Variants in WASHC5 observed in about 807,000 individuals in gnomAD.
The protein encoded by WASHC5 is WASH complex subunit 5.
Under a neutral mutation model 150.4 loss-of-function variants are expected in WASHC5, and 101 were observed. The observed-to-expected ratio is 0.67, with a 90% CI of 0.57 to 0.79. WASHC5 has a LOEUF of 0.79. Among genes scored for constraint, WASHC5 ranks in the 30% least tolerant of loss-of-function variants. The probability of loss-of-function intolerance (pLI) is 0.00; values close to 1 mark genes in which losing one functional copy is unlikely to be tolerated. For missense variants in WASHC5, 1,195 were observed against 1,396.3 expected (o/e 0.86, Z 2.30); for synonymous variants, 467 against 491.2 (o/e 0.95, Z 0.65).
chr8:125,052,463 C>T (rs993722232), intron 17 of WASHC5, among the ~76,000 whole-genome samples: 1 of 149,094 alleles, frequency 6.7e-6, no homozygotes, highest in African/African-American at 2.6e-5. Flanking sequence ...CGTTTATATA[C>T]ATAAATATCC....
At chr8:125,079,185 C>CTTTTTTTTT (rs34211379) in intron 5 of WASHC5, among the ~76,000 whole-genome samples, 11 of 57,580 alleles carry the variant, frequency 1.9e-4, no homozygotes, top group South Asian at 9.1e-4. Flanking sequence ...TATATATAAC[C>CTTTTTTTTT]TTTTTTTTTT....
chr8:125,044,456 A>T (rs1815995303), intron 21 of WASHC5, 80 bp downstream of exon 21: 1 of 1,450,544 alleles, frequency 6.9e-7, no homozygotes, highest in Non-Finnish European at 9.7e-7. Context: ...AGGTTAAGTG[A>T]GTTCAAACTG....
Position 125,043,821 on chromosome 8 carries a change from A to G in WASHC5, c.2850+4T>C, listed in dbSNP as rs770743674. 173 of 1,597,654 alleles carry G rather than the reference A, an allele frequency of 1.1e-4. No homozygotes were observed. Among genetic ancestry groups the G allele is most frequent in the Non-Finnish European group, 1.3e-4 (157 of 1,165,174 alleles). ...GACTGTACACCCTCTCTTCTACAAC[A>G]TACCTTCATTATAGCCTCGAGATAC... On this transcript the variant is annotated splice_donor_region_variant and intron_variant, in intron 23 of 28. Transcript: ENST00000318410.
rs755448134 is a variant in WASHC5 at position 125,078,827 on chromosome 8, G to A, written c.622C>T (p.Pro208Ser). 1 of 1,613,906 alleles carries A rather than the reference G, an allele frequency of 6.2e-7. No homozygotes were observed. The highest frequency in any genetic ancestry group is 8.5e-7 in the Non-Finnish European group (1 of 1,179,860). The change falls in exon 6 of 29, where the codon CCC becomes TCC. Residue 208 changes from proline (P) to serine (S), a missense_variant. By Grantham distance (74) the Pro-to-Ser change is moderately conservative. Around this residue, in one of 3 missense-constraint regions of WASHC5, gnomAD observed 997 missense variants for 1,168.1 expected, o/e 0.85. Transcript: ENST00000318410. ...GGCACTCTCTGGAAATAGCTCTCGG[G>A]ATAGTTGGATGGTCTTTTGGCACCT... ...QPGAKRPSNY[P>S]ESYFQRVPIN... is the part of the protein sequence containing the mutation.
At chr8:125,048,506 T>G (rs1452045621) in intron 19 of WASHC5, among the ~76,000 whole-genome samples, 2 of 152,188 alleles carry the variant, frequency 1.3e-5, no homozygotes, top group East Asian at 3.8e-4. Flanking sequence ...TCATGTGCAC[T>G]AGGGTGACTA....
At chr8:125,045,825 T>C (rs1305287572) in intron 20 of WASHC5, among the ~76,000 whole-genome samples, 2 of 152,202 alleles carry the variant, frequency 1.3e-5, no homozygotes, top group African/African-American at 2.4e-5. Flanking sequence ...ATAAAATTCA[T>C]ATATGATGTG....
intron 18 of WASHC5, 33 bp downstream of exon 18, chr8:125,050,531 G>T: frequency 6.7e-7 from 1 of 1,491,702 alleles, no homozygotes; most frequent in Non-Finnish European, 9.4e-7. Flanking sequence ...GCTGGGCGGA[G>T]AAGAGGACAG....
chr8:125,054,949 T>C (rs1002285668), intron 17 of WASHC5, among the ~76,000 whole-genome samples: 1 of 152,006 alleles, frequency 6.6e-6, no homozygotes, highest in African/African-American at 2.4e-5. Context: ...AATTGAATTT[T>C]TTTTTTTTTG....
chr8:125,082,772 A>G, intron 3 of WASHC5: 1 of 384,526 alleles, frequency 2.6e-6, no homozygotes, highest in Non-Finnish European at 4.7e-6. Context: ...ATGAATTCTT[A>G]AGAAGTGTAT....
intron 10 of WASHC5, among the ~76,000 whole-genome samples, chr8:125,064,118 A>C (rs994149166): frequency 6.6e-6 from 1 of 152,148 alleles, no homozygotes; most frequent in African/African-American, 2.4e-5. Flanking sequence ...TACCTGCAAA[A>C]GTTCTTTGTT....
In WASHC5 at chr8:125,064,271, T is replaced by C. The variant is rs540146406; in HGVS notation, c.1279-620A>G. 8.5e-5 allele frequency among the ~76,000 whole-genome samples: 13 copies of C among 152,280 alleles called. No individual in the cohort carries two copies. The South Asian group carries it at 2.7e-3, about 32-fold the overall frequency. On this transcript the variant is annotated intron_variant, in intron 10 of 28. Transcript: ENST00000318410. The stretch of plus-strand genomic sequence containing the variant: ...AGGCTAGAGTGCAGTGGGGTGATCA[T>C]GGCTCACTACAACCTTGAACTCCTG...
chr8:125,064,141 TTTAA>T (rs1816682326), intron 10 of WASHC5, among the ~76,000 whole-genome samples: 1 of 151,754 alleles, frequency 6.6e-6, no homozygotes, highest in Admixed American at 6.6e-5. Flanking sequence ...ATTATACAAG[TTTAA>T]TTGTTTATTT....
In WASHC5 at chr8:125,063,948, G is replaced by A. The variant is rs114066712; in HGVS notation, c.1279-297C>T. Among the ~76,000 whole-genome samples the A allele has an allele frequency of 0.026, 4,003 of 152,084 alleles. 178 individuals carry two copies. The highest frequency in any genetic ancestry group is 0.092 in the African/African-American group (3,831 of 41,460). The stretch of plus-strand genomic sequence containing the variant: ...CACCCCCAAAGATTCTCGTTCAGGC[G>A]GTCTTGAATAGGGCCAGAAATCCGC... On this transcript the variant is annotated intron_variant, in intron 10 of 28. Coordinates refer to ENST00000318410, the MANE Select transcript of WASHC5 (RefSeq NM_014846.4).
chr8:125,044,049 C>G lies in WASHC5; in HGVS notation c.2713G>C (p.Val905Leu). The change falls in exon 22 of 29, where the codon GTT becomes CTT. Residue 905 changes from valine to leucine, a missense_variant. Physicochemically the swap from Val to Leu is conservative, Grantham distance 32 (BLOSUM62 1). Around this residue, in one of 3 missense-constraint regions of WASHC5, gnomAD observed 997 missense variants for 1,168.1 expected, o/e 0.85. Coordinates refer to ENST00000318410, the MANE Select transcript of WASHC5 (RefSeq NM_014846.4). The part of the protein sequence containing the change: ...FQKIILRDRT[V>L]QDTLKTLMNA... ...ATGAGGGTTTTTAAAGTGTCCTGAA[C>G]AGTTCTGTCTCTCAGGATAATTTTC... 1.2e-6 allele frequency: 2 copies of G among 1,613,744 alleles called. No homozygotes were observed. Among genetic ancestry groups the G allele is most frequent in the Non-Finnish European group, 1.7e-6 (2 of 1,179,664 alleles).
At chr8:125,032,066 A>T (rs1815556809) in intron 27 of WASHC5, among the ~76,000 whole-genome samples, 175 bp downstream of exon 27, 2 of 152,208 alleles carry the variant, frequency 1.3e-5, no homozygotes, top group African/African-American at 4.8e-5. Flanking sequence ...GTGACTAAGG[A>T]TGGACACACC....
intron 19 of WASHC5, among the ~76,000 whole-genome samples, chr8:125,048,568 G>A (rs758169241): frequency 6.6e-5 from 10 of 152,154 alleles, no homozygotes; most frequent in Non-Finnish European, 1.2e-4. Flanking sequence ...TGGAGAAACT[G>A]GAACCCTCGT....
chr8:125,032,469 A>C, intron 26 of WASHC5, 75 bp from the exon 27 acceptor site: 3 of 1,516,158 alleles, frequency 2.0e-6, no homozygotes, highest in Non-Finnish European at 2.7e-6. Flanking sequence ...AACGCTGTGA[A>C]GGTCAAAATG....
At chr8:125,048,618 G>A (rs186744701) in intron 19 of WASHC5, among the ~76,000 whole-genome samples, 124 of 152,286 alleles carry the variant, frequency 8.1e-4, no homozygotes, top group African/African-American at 2.7e-3. Flanking sequence ...CGTTACCGTG[G>A]AACACAGTTT....
intron 11 of WASHC5, among the ~76,000 whole-genome samples, chr8:125,061,451 G>T (rs1816592404): frequency 6.8e-6 from 1 of 146,058 alleles, no homozygotes; most frequent in Non-Finnish European, 1.5e-5. Flanking sequence ...GTGTAGAGGT[G>T]GTGGTGGCAG....
Sources: gnomAD v4.1 joint callset for allele counts (sites outside exome capture counted in the v4.1 genomes callset) on GRCh38, gnomAD v4.1.1 for gene constraint, gnomAD v4.1.1 regional missense constraint, MANE v1.5 for transcripts, NCBI Gene and HGNC (gene_info 2026-07-23, HGNC 2026-07-21) for gene names.